KSR2: variants seen among roughly 807,000 people sequenced by gnomAD.
The protein encoded by KSR2 is kinase suppressor of ras 2.
Under a neutral mutation model 107.8 loss-of-function variants are expected in KSR2, and 25 were observed. The ratio of observed to expected loss-of-function variants is 0.23; its 90% CI spans 0.17 to 0.32. KSR2 has a LOEUF of 0.32. KSR2 is among the 10% of genes least tolerant of loss of function. The probability of loss-of-function intolerance (pLI) is 1.00; values close to 1 mark genes in which losing one functional copy is unlikely to be tolerated. For synonymous variants in KSR2, 480 were observed against 507.0 expected (o/e 0.95, Z 0.71); for missense variants, 887 against 1,268.9 (o/e 0.70, Z 4.57).
chr12:117,911,349 G>A (rs1895009142), intron 1 of KSR2, among the ~76,000 whole-genome samples: 1 of 152,162 alleles, frequency 6.6e-6, no homozygotes, highest in Non-Finnish European at 1.5e-5. Flanking sequence ...CCTGTCATCT[G>A]TCATGAGAAG....
chr12:117,783,856 T>A (rs1379697070), intron 3 of KSR2, among the ~76,000 whole-genome samples: 1 of 152,008 alleles, frequency 6.6e-6, no homozygotes, highest in Non-Finnish European at 1.5e-5. Flanking sequence ...GTGTGTGTCT[T>A]TTTTCTATCC....
intron 4 of KSR2, among the ~76,000 whole-genome samples, chr12:117,749,931 T>C (rs960106753): frequency 6.6e-6 from 1 of 151,968 alleles, no homozygotes. Context: ...AGGTCAATGC[T>C]GAATGGGAAT....
chr12:117,641,950 G>A (rs1440299571), intron 5 of KSR2, among the ~76,000 whole-genome samples: 7 of 152,086 alleles, frequency 4.6e-5, no homozygotes, highest in Admixed American at 6.6e-5. Context: ...AGAATCTTCC[G>A]TGTTCCTGAA....
chr12:117,468,719 T>C (rs1274912825), intron 19 of KSR2, among the ~76,000 whole-genome samples: 3 of 152,218 alleles, frequency 2.0e-5, no homozygotes, highest in Non-Finnish European at 4.4e-5. Context: ...CATGTCTTCA[T>C]GTACCATGTA....
At position 117,738,062 on chromosome 12, in the gene KSR2, C is replaced by T. The variant is rs183070418; in HGVS notation, c.986+22949G>A. On this transcript the variant is annotated intron_variant, in intron 4 of 19. Coordinates refer to ENST00000339824, the MANE Select transcript of KSR2 (RefSeq NM_173598.6). ...CTCCAAGCACAGCAGTTAAAACCCA[C>T]GTTGTTATTGGGCAGAAGACAACAC... is the stretch of plus-strand genomic sequence containing the variant. Among the ~76,000 whole-genome samples the T allele has an allele frequency of 1.1e-3, 172 of 152,202 alleles. 1 individual carries two copies. In the Middle Eastern group the frequency reaches 0.024, roughly 21 times the overall value.
chr12:117,576,343 A>T lies in KSR2; in HGVS notation c.1325+2776T>A, dbSNP rs80212774. ...TTCAGAGCTGCTGGTGTATGGAGAA[A>T]ATCAGTCAGCCTGGAGGCCAGACCT... On this transcript the variant is annotated intron_variant, in intron 7 of 19. Coordinates refer to ENST00000339824, the MANE Select transcript of KSR2 (RefSeq NM_173598.6). 3.0e-3 allele frequency among the ~76,000 whole-genome samples: 459 copies of T among 152,258 alleles called. 9 individuals are homozygous for T. Among genetic ancestry groups the T allele is most frequent in the East Asian group, 0.026 (134 of 5,168 alleles).
rs892458243 is a variant in KSR2 at position 117,907,073 on chromosome 12, C to T, written c.181-46642G>A. Among the ~76,000 whole-genome samples, 10 of 152,184 alleles carry T rather than the reference C, an allele frequency of 6.6e-5. No homozygotes were observed. Among genetic ancestry groups the T allele is most frequent in the African/African-American group, 2.4e-4 (10 of 41,456 alleles). On this transcript the variant is annotated intron_variant, in intron 1 of 19. Coordinates refer to ENST00000339824, the MANE Select transcript of KSR2 (RefSeq NM_173598.6). This position sits in a 1 kb window ranked among gnomAD's most constrained non-coding sequence, Gnocchi z 4.3. ...AAGTGCTTGTGTGATGCTTCTGCTGCTGCTGGTCAGGAACCCCACTTTGGG... is the reference window on the plus strand; with the variant it reads ...AAGTGCTTGTGTGATGCTTCTGCTGTTGCTGGTCAGGAACCCCACTTTGGG...
chr12:117,769,487 A>G (rs1812708172), intron 3 of KSR2, among the ~76,000 whole-genome samples: 1 of 152,210 alleles, frequency 6.6e-6, no homozygotes. Flanking sequence ...ACACTTAGAC[A>G]TGAATTTGTC....
chr12:117,781,202 C>T (rs371174065), intron 3 of KSR2, among the ~76,000 whole-genome samples: 18 of 152,312 alleles, frequency 1.2e-4, no homozygotes, highest in African/African-American at 3.1e-4. Context: ...CTTCGTCTTC[C>T]GCCATGATCG....
chr12:117,930,004 T>G (rs1349204035), intron 1 of KSR2, among the ~76,000 whole-genome samples: 1 of 152,242 alleles, frequency 6.6e-6, no homozygotes, highest in South Asian at 2.1e-4. Context: ...TAAATGATAA[T>G]GATGAAGTAA....
At chr12:117,966,945 T>C (rs73408416) in intron 1 of KSR2, among the ~76,000 whole-genome samples, 3,652 of 152,218 alleles carry the variant, frequency 0.024, 156 homozygotes, top group African/African-American at 0.083. Context: ...AGGGAACCCC[T>C]GTTCTCTCAG....
intron 14 of KSR2, 59 bp downstream of exon 14, chr12:117,524,793 C>CAA: frequency 6.5e-7 from 1 of 1,540,014 alleles, no homozygotes; most frequent in Middle Eastern, 2.0e-4. Flanking sequence ...AACCATTTCT[C>CAA]AACCATGCCA....
chr12:117,680,882 T>C (rs192540753), intron 4 of KSR2, among the ~76,000 whole-genome samples: 5 of 152,278 alleles, frequency 3.3e-5, no homozygotes, highest in Non-Finnish European at 5.9e-5. Flanking sequence ...ATTCCAGCAA[T>C]GAAGGAGGCA....
At chr12:117,963,492 A>G (rs1896713932) in intron 1 of KSR2, among the ~76,000 whole-genome samples, 1 of 151,990 alleles carries the variant, frequency 6.6e-6, no homozygotes, top group Non-Finnish European at 1.5e-5. Context: ...AGTCCCAGCT[A>G]CTCAAGAGGC....
At chr12:117,499,443 T>C (rs574286658) in intron 14 of KSR2, among the ~76,000 whole-genome samples, 2 of 152,348 alleles carry the variant, frequency 1.3e-5, no homozygotes, top group South Asian at 4.1e-4. Flanking sequence ...GACTTCTGAC[T>C]AGAGTAAAAC....
At chr12:117,563,188 T>C (rs1013884471) in intron 7 of KSR2, among the ~76,000 whole-genome samples, 1 of 152,146 alleles carries the variant, frequency 6.6e-6, no homozygotes, top group Non-Finnish European at 1.5e-5. Context: ...CAAAATTAGA[T>C]TCCCAGGCCT....
intron 5 of KSR2, among the ~76,000 whole-genome samples, chr12:117,586,013 C>A (rs2136252730): frequency 6.6e-6 from 1 of 152,300 alleles, no homozygotes; most frequent in South Asian, 2.1e-4. Context: ...AGGGGCTTTG[C>A]ACAGAAGAGG....
chr12:117,865,708 T>A (rs1232301916), intron 1 of KSR2, among the ~76,000 whole-genome samples: 5 of 152,124 alleles, frequency 3.3e-5, no homozygotes, highest in Non-Finnish European at 7.3e-5. Context: ...AGTGACGTCA[T>A]GCCTCGTGCC....
intron 4 of KSR2, among the ~76,000 whole-genome samples, chr12:117,687,170 G>A (rs1352479811): frequency 6.6e-6 from 1 of 152,142 alleles, no homozygotes; most frequent in Non-Finnish European, 1.5e-5. Flanking sequence ...GTGGTTTCAG[G>A]TCTTCTTATT....
Sources: gnomAD v4.1 joint callset for allele counts (sites outside exome capture counted in the v4.1 genomes callset) on GRCh38, gnomAD v4.1.1 for gene constraint, Gnocchi (gnomAD v3.1) non-coding constraint, MANE v1.5 for transcripts, NCBI Gene and HGNC (gene_info 2026-07-23, HGNC 2026-07-21) for gene names.